The following SEC31A variants were observed in gnomAD, a reference collection of about 807,000 sequenced individuals.
SEC31A encodes the protein SEC31 homolog A, COPII component, also known as protein transport protein Sec31A.
In SEC31A, 70 loss-of-function variants were observed where a neutral mutation model predicts 151.0. That is an observed-to-expected ratio of 0.46 (90% CI 0.38 to 0.57). The LOEUF (loss-of-function observed/expected upper bound fraction) is 0.57, where lower values mean the gene tolerates loss of function less well. Among genes scored for constraint, SEC31A ranks in the 20% least tolerant of loss-of-function variants. SEC31A has a pLI of 0.00. For missense variants in SEC31A, 1,330 were observed against 1,471.2 expected (o/e 0.90, Z 1.57); for synonymous variants, 475 against 505.9 (o/e 0.94, Z 0.82).
At chr4:82,875,192 C>T (rs1322902893) in intron 5 of SEC31A, among the ~76,000 whole-genome samples, 1 of 152,046 alleles carries the variant, frequency 6.6e-6, no homozygotes, top group Admixed American at 6.6e-5. Context: ...CTCAGATTGC[C>T]AAAATGTTAG....
chr4:82,852,958 A>G (rs1731776765), intron 18 of SEC31A, among the ~76,000 whole-genome samples: 1 of 152,220 alleles, frequency 6.6e-6, no homozygotes, highest in African/African-American at 2.4e-5. Context: ...TTGCATGCAC[A>G]GCCCACATAA....
At chr4:82,845,879 G>T (rs184174544) in intron 20 of SEC31A, among the ~76,000 whole-genome samples, 1 of 152,208 alleles carries the variant, frequency 6.6e-6, no homozygotes, top group Admixed American at 6.5e-5. Flanking sequence ...CAAAACCAAG[G>T]CCCAGAGAAG....
chr4:82,824,961 T>C (rs1422616021), intron 24 of SEC31A, among the ~76,000 whole-genome samples: 4 of 152,228 alleles, frequency 2.6e-5, no homozygotes, highest in African/African-American at 9.6e-5. Flanking sequence ...TGTTTATAAC[T>C]GATGGGAAAT....
At chr4:82,841,817 CA>C (rs1728952247) in intron 22 of SEC31A, among the ~76,000 whole-genome samples, 1 of 151,056 alleles carries the variant, frequency 6.6e-6, no homozygotes, top group Admixed American at 6.6e-5. Flanking sequence ...ATTAAAAATA[CA>C]AAAATTAGCC....
At chr4:82,889,355 C>T (rs963636120) in intron 1 of SEC31A, among the ~76,000 whole-genome samples, 2 of 151,884 alleles carry the variant, frequency 1.3e-5, no homozygotes, top group East Asian at 1.9e-4. Context: ...AGCTTGAGTC[C>T]AGCCTGGGGA....
intron 3 of SEC31A, chr4:82,898,101 T>C (rs1389151505): frequency 2.6e-5 from 4 of 152,150 alleles, no homozygotes; most frequent in African/African-American, 7.3e-5. Context: ...TTTTGTGCAA[T>C]AGTCAATGCC....
intron 1 of SEC31A, among the ~76,000 whole-genome samples, chr4:82,888,611 C>T (rs1741502273): frequency 6.6e-6 from 1 of 151,774 alleles, no homozygotes; most frequent in Non-Finnish European, 1.5e-5. Context: ...ATCGCTTGAA[C>T]CCAGGTGACG....
At position 82,855,067 on chromosome 4, in the gene SEC31A, T is replaced by C. The variant is rs775978526; in HGVS notation, c.1882-38A>G. The C allele has an allele frequency of 3.9e-6, 6 of 1,544,282 alleles. No individual in the cohort carries two copies. In the South Asian group the frequency reaches 4.9e-5, roughly 13 times the overall value. On this transcript the variant is annotated intron_variant, in intron 16 of 26. Transcript: ENST00000395310. ...AAACAAAGGAAGAATTAAAAGTCTTTAACATAGCAATAAAAATTAATTCTG... is the reference window on the plus strand; with the variant it reads ...AAACAAAGGAAGAATTAAAAGTCTTCAACATAGCAATAAAAATTAATTCTG...
chr4:82,888,020 T>C lies in SEC31A; in HGVS notation c.-5+3068A>G, dbSNP rs373484853. 9.5e-4 allele frequency among the ~76,000 whole-genome samples: 138 copies of C among 145,982 alleles called. 1 individual carries two copies. Among genetic ancestry groups the C allele is most frequent in the African/African-American group, 3.1e-3 (124 of 39,410 alleles). On this transcript the variant is annotated intron_variant, in intron 1 of 26. Transcript: ENST00000395310. Reference sequence around the variant, plus strand: ...GAGATCATGCGACTGCACTCCAGCCTGGGTGACAGAGCAAGACTCTGTCTC... The same window carrying C: ...GAGATCATGCGACTGCACTCCAGCCCGGGTGACAGAGCAAGACTCTGTCTC...
At chr4:82,882,865 C>T (rs140718939) in intron 1 of SEC31A, among the ~76,000 whole-genome samples, 10 of 152,138 alleles carry the variant, frequency 6.6e-5, no homozygotes, top group African/African-American at 1.4e-4. Flanking sequence ...TGCTTGCAAT[C>T]GCAGCACTTT....
intron 9 of SEC31A, 43 bp downstream of exon 9, chr4:82,867,112 T>C: frequency 7.0e-6 from 11 of 1,576,616 alleles, no homozygotes; most frequent in Non-Finnish European, 8.7e-6. Flanking sequence ...AACACATACT[T>C]TTTTCAGGCA....
intron 6 of SEC31A, among the ~76,000 whole-genome samples, chr4:82,873,916 C>T (rs1003930993): frequency 6.6e-6 from 1 of 152,004 alleles, no homozygotes; most frequent in South Asian, 2.1e-4. Flanking sequence ...AGAGATGAGG[C>T]CAAGAAGTCA....
intron 6 of SEC31A, among the ~76,000 whole-genome samples, chr4:82,873,579 C>T (rs1737241570): frequency 6.6e-6 from 1 of 152,120 alleles, no homozygotes. Context: ...ATGGTTTATT[C>T]CATTGAAACT....
intron 8 of SEC31A, among the ~76,000 whole-genome samples, chr4:82,867,723 C>A (rs1486022573): frequency 1.3e-5 from 2 of 152,166 alleles, no homozygotes; most frequent in East Asian, 3.8e-4. Context: ...ACCTCCACCT[C>A]CTGGGCTCAA....
At chr4:82,887,105 G>GAGAA (rs1242623883) in intron 1 of SEC31A, among the ~76,000 whole-genome samples, 1 of 152,066 alleles carries the variant, frequency 6.6e-6, no homozygotes, top group African/African-American at 2.4e-5. Context: ...TTTAAAAAAG[G>GAGAA]AGAAAGTATG....
intron 10 of SEC31A, among the ~76,000 whole-genome samples, chr4:82,865,466 T>C (rs368994773): frequency 7.0e-6 from 1 of 143,210 alleles, no homozygotes; most frequent in African/African-American, 2.5e-5. Flanking sequence ...CACCACAGCA[T>C]TTATTCACAA....
intron 14 of SEC31A, 92 bp from the exon 15 acceptor site, chr4:82,857,856 AGAGTAGAT>A: frequency 2.7e-6 from 2 of 751,870 alleles, no homozygotes; most frequent in South Asian, 3.2e-5. Flanking sequence ...CTTCATCTAC[AGAGTAGAT>A]GACATACCAA....
At chr4:82,846,372 A>C (rs865848545) in intron 20 of SEC31A, among the ~76,000 whole-genome samples, 8 of 144,732 alleles carry the variant, frequency 5.5e-5, no homozygotes, top group African/African-American at 1.8e-4. Flanking sequence ...AAAACATAAT[A>C]ATAATAATAA....
chr4:82,862,423 T>C, intron 13 of SEC31A, 111 bp downstream of exon 13: 1 of 724,358 alleles, frequency 1.4e-6, no homozygotes, highest in South Asian at 1.8e-5. Flanking sequence ...AGAATAAGCA[T>C]TTATTTTTAT....
Sources: allele counts gnomAD v4.1 joint callset (sites outside exome capture counted in the v4.1 genomes callset), GRCh38; gene constraint gnomAD v4.1.1; transcripts MANE v1.5; gene names NCBI Gene and HGNC (gene_info 2026-07-23, HGNC 2026-07-21).